The following KSR2 variants were observed in gnomAD, a reference collection of about 807,000 sequenced individuals.
KSR2 encodes the protein kinase suppressor of ras 2.
A neutral mutation model predicts 107.8 loss-of-function variants in KSR2; 25 were observed. That is an observed-to-expected ratio of 0.23 (90% CI 0.17 to 0.32). The LOEUF (loss-of-function observed/expected upper bound fraction) is 0.32. KSR2 is among the 10% of genes least tolerant of loss of function. KSR2 has a pLI of 1.00. For synonymous variants in KSR2, 480 were observed against 507.0 expected, an observed-to-expected ratio of 0.95 and a Z score of 0.71; for missense variants, 887 against 1,268.9, an observed-to-expected ratio of 0.70 and a Z score of 4.57.
chr12:117,702,492 T>C (rs1886369107), intron 4 of KSR2, among the ~76,000 whole-genome samples: 1 of 152,070 alleles, frequency 6.6e-6, no homozygotes. Flanking sequence ...ATCAAACAGA[T>C]CCATCAAACT....
intron 18 of KSR2, 83 bp downstream of exon 18, chr12:117,471,108 C>A (rs753244918): frequency 2.7e-5 from 41 of 1,544,950 alleles, no homozygotes; most frequent in Non-Finnish European, 3.5e-5. Context: ...CATTTGTAAC[C>A]TTAACACATA....
rs142262580 is a variant in KSR2, at chr12:117,739,546, C to T, written c.986+21465G>A. ...AGTACAATTAGTGCCGGGCATATCA[C>T]TGGCCCTCGATAATGATGTTATTAA... On this transcript the variant is annotated intron_variant, in intron 4 of 19. Coordinates refer to ENST00000339824, the MANE Select transcript of KSR2 (RefSeq NM_173598.6). 3.4e-3 allele frequency among the ~76,000 whole-genome samples: 524 copies of T among 152,290 alleles called. 1 individual carries two copies. Among genetic ancestry groups the T allele is most frequent in the Non-Finnish European group, 5.5e-3 (375 of 68,020 alleles).
chr12:117,657,906 C>T (rs1884255127), intron 5 of KSR2, among the ~76,000 whole-genome samples: 1 of 152,236 alleles, frequency 6.6e-6, no homozygotes, highest in South Asian at 2.1e-4. Flanking sequence ...GAAACAAATA[C>T]TCATATAAGT....
chr12:117,548,106 A>AAT (rs1877010082), intron 9 of KSR2, among the ~76,000 whole-genome samples: 1 of 151,846 alleles, frequency 6.6e-6, no homozygotes. Flanking sequence ...AAAAAAAAAA[A>AAT]GTCTTAGGGA....
At chr12:117,880,658 G>A (rs538816709) in intron 1 of KSR2, among the ~76,000 whole-genome samples, 12 of 151,048 alleles carry the variant, frequency 7.9e-5, no homozygotes, top group Non-Finnish European at 1.3e-4. Flanking sequence ...GGAGGAAGCC[G>A]TAAACATCCA....
intron 5 of KSR2, among the ~76,000 whole-genome samples, chr12:117,608,816 C>T (rs927168132): frequency 5.9e-5 from 9 of 152,074 alleles, no homozygotes; most frequent in Non-Finnish European, 1.0e-4. Flanking sequence ...GAGGCCTCTG[C>T]AGCAAAACAT....
chr12:117,486,302 A>T (rs1872458915), intron 14 of KSR2, among the ~76,000 whole-genome samples: 1 of 152,158 alleles, frequency 6.6e-6, no homozygotes, highest in African/African-American at 2.4e-5. Flanking sequence ...AAGATGAATG[A>T]CAGGATGAAA....
At chr12:117,871,360 A>C (rs2137285032) in intron 1 of KSR2, among the ~76,000 whole-genome samples, 1 of 152,250 alleles carries the variant, frequency 6.6e-6, no homozygotes, top group South Asian at 2.1e-4. Flanking sequence ...AGACCGAGGC[A>C]GGAGGATCAC....
At chr12:117,889,845 A>G (rs1330750475) in intron 1 of KSR2, 1 of 152,246 alleles carries the variant, frequency 6.6e-6, no homozygotes, top group Non-Finnish European at 1.5e-5. Flanking sequence ...GGTAGAGACC[A>G]GAATTGCTCT....
chr12:117,506,052 C>T (rs1322048507), intron 14 of KSR2, among the ~76,000 whole-genome samples: 1 of 152,180 alleles, frequency 6.6e-6, no homozygotes, highest in Non-Finnish European at 1.5e-5. Context: ...TACCTACTAC[C>T]TCCTGGCTAT....
Position 117,968,281 on chromosome 12 carries a change from T to TCCC in KSR2, c.-27_-26insGGG. 2.2e-6 allele frequency: 1 copy of TCCC among 444,714 alleles called. No individual in the cohort carries two copies. The highest frequency in any genetic ancestry group is 3.5e-6 in the Non-Finnish European group (1 of 285,038). The allele number at this position is 444,714 out of a possible 1,614,324, so 27.5% of individuals were successfully genotyped here. A position where few individuals can be genotyped will look rare whatever the true frequency, so the allele number is the denominator to read the frequency against. On this transcript the variant is annotated 5_prime_UTR_variant, in exon 1 of 20. Coordinates refer to ENST00000339824, the MANE Select transcript of KSR2 (RefSeq NM_173598.6). The stretch of plus-strand genomic sequence containing the variant: ...CGCTTGCTCTGCAACCCCCTTCCCC[T>TCCC]CCTCCTCCTCCCAGAGAGAAAAAAG...
chr12:117,738,527 T>A (rs1593185711), intron 4 of KSR2, among the ~76,000 whole-genome samples: 1 of 152,194 alleles, frequency 6.6e-6, no homozygotes, highest in East Asian at 1.9e-4. Flanking sequence ...GAAGTATTGG[T>A]GGATCTAAAC....
At chr12:117,565,238 G>A (rs1392304713) in intron 7 of KSR2, among the ~76,000 whole-genome samples, 1 of 152,146 alleles carries the variant, frequency 6.6e-6, no homozygotes, top group Admixed American at 6.5e-5. Flanking sequence ...TCTAACCAAC[G>A]GATGAAAATT....
chr12:117,894,058 T>C (rs533946048), intron 1 of KSR2, among the ~76,000 whole-genome samples: 254 of 152,208 alleles, frequency 1.7e-3, no homozygotes, highest in African/African-American at 5.9e-3. Flanking sequence ...TACAGGCGCC[T>C]GCCACTACAC....
chr12:117,884,811 G>C (rs796751246), intron 1 of KSR2, among the ~76,000 whole-genome samples: 1 of 152,054 alleles, frequency 6.6e-6, no homozygotes, highest in African/African-American at 2.4e-5. Flanking sequence ...GGGGAAGGAG[G>C]CACTAGAATT....
chr12:117,894,063 CTA>C, intron 1 of KSR2, among the ~76,000 whole-genome samples: 1 of 152,142 alleles, frequency 6.6e-6, no homozygotes, highest in Non-Finnish European at 1.5e-5. Flanking sequence ...GCGCCTGCCA[CTA>C]CACCCGGCTA....
chr12:117,694,342 T>G (rs541527853), intron 4 of KSR2, among the ~76,000 whole-genome samples: 10 of 152,260 alleles, frequency 6.6e-5, no homozygotes, highest in Admixed American at 2.0e-4. Context: ...TTATAAATGG[T>G]AGTTCCCCTG....
intron 1 of KSR2, among the ~76,000 whole-genome samples, chr12:117,874,032 C>T (rs577299459): frequency 1.3e-5 from 2 of 152,146 alleles, no homozygotes; most frequent in Non-Finnish European, 2.9e-5. Flanking sequence ...CATCTTTATT[C>T]TATTTCACAA....
At chr12:117,693,604 C>G (rs1256386312) in intron 4 of KSR2, among the ~76,000 whole-genome samples, 1 of 152,228 alleles carries the variant, frequency 6.6e-6, no homozygotes, top group Non-Finnish European at 1.5e-5. Context: ...CCTAGCATGT[C>G]TGCATGGTCC....
Sources: allele counts gnomAD v4.1 joint callset (sites outside exome capture counted in the v4.1 genomes callset), GRCh38; gene constraint gnomAD v4.1.1; transcripts MANE v1.5; gene names NCBI Gene and HGNC (gene_info 2026-07-23, HGNC 2026-07-21).